CELF5: variants seen among roughly 807,000 people sequenced by gnomAD.
CELF5 encodes CUGBP Elav-like family member 5, also known as CUG-BP and ETR-3 like factor 5.
A neutral mutation model predicts 54.9 loss-of-function variants in CELF5; 6 were observed. That is an observed-to-expected ratio of 0.11 (90% CI 0.06 to 0.22). The LOEUF (loss-of-function observed/expected upper bound fraction) is 0.22, where lower values mean the gene tolerates loss of function less well. Among genes scored for constraint, CELF5 ranks in the 10% least tolerant of loss-of-function variants. CELF5 has a pLI of 1.00. For synonymous variants in CELF5, 271 were observed against 290.9 expected, an observed-to-expected ratio of 0.93 and a Z score of 0.70; for missense variants, 401 against 678.6, an observed-to-expected ratio of 0.59 and a Z score of 4.54.
At chr19:3,269,162 C>T (rs549957054) in intron 2 of CELF5, among the ~76,000 whole-genome samples, 1 of 152,208 alleles carries the variant, frequency 6.6e-6, no homozygotes, top group Non-Finnish European at 1.5e-5. Context: ...TGGAAATAAC[C>T]CATCTGGGGC....
rs183440621 is a variant in CELF5, at chr19:3,260,058, T to C, written c.342+8991T>C. 1.7e-4 allele frequency among the ~76,000 whole-genome samples: 26 copies of C among 152,328 alleles called. No individual in the cohort carries two copies. In the East Asian group the frequency reaches 4.8e-3, roughly 28 times the overall value. On this transcript the variant is annotated intron_variant, in intron 2 of 12. Coordinates refer to ENST00000292672, the MANE Select transcript of CELF5 (RefSeq NM_021938.4). ...ACATTAATTTTAATAATATATTTCA[T>C]TTGAACCCAATATATCCCAATTCTT...
rs542249744 is a variant in CELF5 at position 3,228,783 on chromosome 19, G to A, written c.259+3785G>A. On this transcript the variant is annotated intron_variant, in intron 1 of 12. Coordinates refer to ENST00000292672, the MANE Select transcript of CELF5 (RefSeq NM_021938.4). This position sits in a 1 kb window ranked among gnomAD's most constrained non-coding sequence, Gnocchi z 6.0. ...GCTCCAGGGAGAAGGCGGGCTGGGC[G>A]GCCTGGCGGGGGGACCGCGGGAGCA... Among the ~76,000 whole-genome samples, 1 of 151,934 alleles carries A rather than the reference G, an allele frequency of 6.6e-6. No individual in the cohort carries two copies. Among genetic ancestry groups the A allele is most frequent in the Admixed American group, 6.6e-5 (1 of 15,250 alleles).
At chr19:3,229,794 A>G (rs953356825) in intron 1 of CELF5, among the ~76,000 whole-genome samples, 2 of 152,122 alleles carry the variant, frequency 1.3e-5, no homozygotes, top group African/African-American at 4.8e-5. Context: ...CTGACGGGGA[A>G]AGGTGTTCCT....
In CELF5 at chr19:3,268,364, C is replaced by T. The variant is rs931823750; in HGVS notation, c.343-5508C>T. Among the ~76,000 whole-genome samples, 4 of 152,108 alleles carry T rather than the reference C, an allele frequency of 2.6e-5. No homozygotes were observed. Among genetic ancestry groups the T allele is most frequent in the Non-Finnish European group, 4.4e-5 (3 of 68,010 alleles). ...GGCCTGTCAGGTGCTGAACGCAGAA[C>T]CCGAGCTCGGCACACAGGCACAGAA... On this transcript the variant is annotated intron_variant, in intron 2 of 12. Coordinates refer to ENST00000292672, the MANE Select transcript of CELF5 (RefSeq NM_021938.4). The surrounding 1 kb of genome is among the most constrained non-coding windows in gnomAD (Gnocchi z 4.4).
intron 2 of CELF5, among the ~76,000 whole-genome samples, chr19:3,267,085 G>A (rs911367879): frequency 7.3e-6 from 1 of 136,588 alleles, no homozygotes; most frequent in Non-Finnish European, 1.6e-5. Context: ...GTGTGCGTGT[G>A]TGCATGTGTG....
At chr19:3,248,585 G>A (rs1283534193) in intron 1 of CELF5, among the ~76,000 whole-genome samples, 2 of 152,106 alleles carry the variant, frequency 1.3e-5, no homozygotes, top group African/African-American at 4.8e-5. Context: ...CACTGTGTGG[G>A]TCGACCGTAT....
At chr19:3,229,102 C>G (rs1917124321) in intron 1 of CELF5, among the ~76,000 whole-genome samples, 1 of 137,940 alleles carries the variant, frequency 7.2e-6, no homozygotes, top group African/African-American at 2.6e-5. Flanking sequence ...CCCCCCGCCC[C>G]CCGCTTCAGG....
Position 3,293,324 on chromosome 19 carries a change from G to T in CELF5, c.1336G>T (p.Val446Leu), listed in dbSNP as rs752166048. The T allele has an allele frequency of 1.9e-6, 3 of 1,614,082 alleles. No homozygotes were observed. The highest frequency in any genetic ancestry group is 2.5e-6 in the Non-Finnish European group (3 of 1,179,950). Residue 446 changes from valine (V) to leucine (L), a missense_variant, in exon 12 of 13, where the codon GTG becomes TTG. By Grantham distance (32) the Val-to-Leu change is conservative. Transcript: ENST00000292672. ...ATNQSKCFGFVSFDNPASAQA... is the reference protein window; with the variant it reads ...ATNQSKCFGFLSFDNPASAQA... ...GTCCACCCTGGTTTCTGCAGGCTTC[G>T]TGAGCTTTGATAACCCGGCCAGCGC...
chr19:3,276,810 C>T (rs2080062665), intron 4 of CELF5, among the ~76,000 whole-genome samples: 1 of 47,652 alleles, frequency 2.1e-5, no homozygotes, highest in South Asian at 7.6e-4. Context: ...TGGTGGGAGG[C>T]GGGGGGGCTT....
chr19:3,233,509 G>A (rs1002600750), intron 1 of CELF5, among the ~76,000 whole-genome samples: 1 of 152,150 alleles, frequency 6.6e-6, no homozygotes, highest in Non-Finnish European at 1.5e-5. Flanking sequence ...GCCTTTCTAG[G>A]AGGTGACGTT....
Position 3,282,975 on chromosome 19 carries a change from C to T in CELF5, c.1039+477C>T, listed in dbSNP as rs1216402161. Among the ~76,000 whole-genome samples the T allele has an allele frequency of 2.0e-5, 3 of 152,182 alleles. No homozygotes were observed. Among genetic ancestry groups the T allele is most frequent in the African/African-American group, 4.8e-5 (2 of 41,440 alleles). On this transcript the variant is annotated intron_variant, in intron 8 of 12. Transcript: ENST00000292672. The surrounding 1 kb of genome is among the most constrained non-coding windows in gnomAD (Gnocchi z 5.2). ...CCTCCCAAGTAGCTGGGATTACAGG[C>T]GCATGCCACCATGCCCGGCTAATTT...
At chr19:3,280,494 G>C (rs2080131214) in intron 5 of CELF5, among the ~76,000 whole-genome samples, 1 of 152,122 alleles carries the variant, frequency 6.6e-6, no homozygotes, top group Non-Finnish European at 1.5e-5. Flanking sequence ...AGAATCACTT[G>C]AACCTGGAAG....
At chr19:3,257,537 G>A (rs1196656035) in intron 2 of CELF5, among the ~76,000 whole-genome samples, 8 of 151,848 alleles carry the variant, frequency 5.3e-5, no homozygotes, top group African/African-American at 1.9e-4. Context: ...GTGCAGTGGT[G>A]CAATCTCGGC....
intron 1 of CELF5, among the ~76,000 whole-genome samples, chr19:3,237,311 CAAAAAAAAAAAA>C (rs1182124877): frequency 5.7e-4 from 24 of 42,254 alleles, no homozygotes; most frequent in African/African-American, 8.2e-4. Context: ...GACTCCGTCT[CAAAAAAAAAAAA>C]AAAAAAAAAA....
chr19:3,295,972 A>G (rs1183346134), intron 12 of CELF5: 2 of 152,258 alleles, frequency 1.3e-5, no homozygotes, highest in East Asian at 3.8e-4. Flanking sequence ...AGGATTGCCA[A>G]GCGTAGCGGA....
chr19:3,256,819 C>T (rs778773864), intron 2 of CELF5, among the ~76,000 whole-genome samples: 3 of 151,738 alleles, frequency 2.0e-5, no homozygotes, highest in Non-Finnish European at 2.9e-5. Flanking sequence ...CCACCAGCCT[C>T]GGCCTCCTAA....
intron 2 of CELF5, among the ~76,000 whole-genome samples, chr19:3,251,666 TTTTTTTTTG>T (rs937542464): frequency 1.2e-4 from 16 of 135,566 alleles, no homozygotes; most frequent in Non-Finnish European, 2.1e-4. Flanking sequence ...TTTTTTTTTT[TTTTTTTTTG>T]TTGTTGTTGT....
intron 3 of CELF5, among the ~76,000 whole-genome samples, 181 bp downstream of exon 3, chr19:3,274,104 G>A (rs1402099143): frequency 1.3e-5 from 2 of 152,188 alleles, no homozygotes; most frequent in African/African-American, 2.4e-5. Flanking sequence ...TTTTGGTGGG[G>A]GGAGAAGCAG....
chr19:3,294,879 T>C (rs2080410471), intron 12 of CELF5: 1 of 152,228 alleles, frequency 6.6e-6, no homozygotes, highest in Non-Finnish European at 1.5e-5. Flanking sequence ...AAAGCTGGGT[T>C]TGTTGGCCTC....
Sources: gnomAD v4.1 joint callset for allele counts (sites outside exome capture counted in the v4.1 genomes callset) on GRCh38, gnomAD v4.1.1 for gene constraint, Gnocchi (gnomAD v3.1) non-coding constraint, MANE v1.5 for transcripts, NCBI Gene and HGNC (gene_info 2026-07-23, HGNC 2026-07-21) for gene names.